Variants in TMPRSS6 observed in about 807,000 individuals in gnomAD.
TMPRSS6 encodes transmembrane serine protease 6, also known as transmembrane protease serine 6.
A neutral mutation model predicts 101.5 loss-of-function variants in TMPRSS6; 67 were observed. The observed-to-expected ratio is 0.66, with a 90% confidence interval of 0.54 to 0.81. TMPRSS6 has a LOEUF of 0.81. Among genes scored for constraint, TMPRSS6 ranks in the 30% least tolerant of loss-of-function variants. The pLI is 0.00. For synonymous variants in TMPRSS6, 453 were observed against 464.9 expected, an observed-to-expected ratio of 0.97 and a Z score of 0.33; for missense variants, 1,034 against 1,088.7, an observed-to-expected ratio of 0.95 and a Z score of 0.71.
Position 37,096,631 on chromosome 22 carries a change from G to A in TMPRSS6, c.404+17C>T. Reference sequence around the variant, plus strand: ...TCAGCTTCTTGCAGGAGCTGGTCAGGGGCAAGGACAACTCACCCAAAGGAA... The same window carrying A: ...TCAGCTTCTTGCAGGAGCTGGTCAGAGGCAAGGACAACTCACCCAAAGGAA... On this transcript the variant is annotated intron_variant, in intron 4 of 17. Coordinates refer to ENST00000676104, the MANE Select transcript of TMPRSS6 (RefSeq NM_001374504.1). 1 of 1,557,452 alleles carries A rather than the reference G, an allele frequency of 6.4e-7. No individual in the cohort carries two copies. Among genetic ancestry groups the A allele is most frequent in the Non-Finnish European group, 8.7e-7 (1 of 1,149,782 alleles).
Position 37,089,599 on chromosome 22 carries a change from A to AG in TMPRSS6, c.814dup (p.Leu272ProfsTer56). The AG allele has an allele frequency of 6.4e-7, 1 of 1,571,288 alleles. No individual in the cohort carries two copies. Among genetic ancestry groups the AG allele is most frequent in the Non-Finnish European group, 8.6e-7 (1 of 1,161,152 alleles). ...TCACGAGGTGATGAGCCTCTTCTCC[A>AG]GGGGCCCGGCCACGTCATACATGGC... On this transcript the variant is annotated frameshift_variant, in exon 7 of 18. Transcript: ENST00000676104. LOFTEE classifies it high-confidence loss of function.
chr22:37,067,882 C>T (rs1341842673), intron 16 of TMPRSS6, among the ~76,000 whole-genome samples: 1 of 152,240 alleles, frequency 6.6e-6, no homozygotes, highest in African/African-American at 2.4e-5. Context: ...TCTGGTTGCT[C>T]CTCGCCCAGG....
intron 1 of TMPRSS6, among the ~76,000 whole-genome samples, chr22:37,105,459 A>G (rs984376324): frequency 6.6e-6 from 1 of 152,242 alleles, no homozygotes; most frequent in African/African-American, 2.4e-5. Context: ...CAGGGTGCTG[A>G]GACTCTTGCA....
Position 37,095,296 on chromosome 22 carries a change from A to C in TMPRSS6, c.631+255T>G, listed in dbSNP as rs181196646. ...CTAAACCTGACTCATCCTCACACCC[A>C]CACAGGAACGCATGCACACCCGTCT... On this transcript the variant is annotated intron_variant, in intron 6 of 17. Transcript: ENST00000676104. Among the ~76,000 whole-genome samples, 414 of 152,230 alleles carry C rather than the reference A, an allele frequency of 2.7e-3. 1 individual carries two copies. Among genetic ancestry groups the C allele is most frequent in the African/African-American group, 8.4e-3 (348 of 41,514 alleles).
chr22:37,078,966 A>G (rs1927996189), intron 10 of TMPRSS6, among the ~76,000 whole-genome samples: 1 of 77,552 alleles, frequency 1.3e-5, no homozygotes, highest in Admixed American at 1.4e-4. Flanking sequence ...AGAGAAAGAA[A>G]GAAAGAAAAA....
In TMPRSS6 at chr22:37,098,548, C is replaced by A. The variant is rs763214117; in HGVS notation, c.204G>T (p.Gly68=). Residue 68 remains glycine, a splice_region_variant and synonymous_variant, in exon 3 of 18, where the codon GGG becomes GGT. Transcript: ENST00000676104. ...SAGVLLWYFL[G]YKAEVMVSQV... is the part of the protein sequence containing the mutation. ...GGCTGACCATCACCTCCGCCTTGTACCCTGCCCAGGAAGGAACCAGCAGGG... is the reference window on the plus strand; with the variant it reads ...GGCTGACCATCACCTCCGCCTTGTAACCTGCCCAGGAAGGAACCAGCAGGG... The A allele has an allele frequency of 6.2e-6, 10 of 1,613,994 alleles. No homozygotes were observed. In the African/African-American group the frequency reaches 6.7e-5, roughly 11 times the overall value.
intron 8 of TMPRSS6, among the ~76,000 whole-genome samples, chr22:37,086,061 C>G (rs79329634): frequency 7.1e-6 from 1 of 141,738 alleles, no homozygotes; most frequent in Admixed American, 7.8e-5. Flanking sequence ...ACAGAGACTG[C>G]GAATGGTAGG....
intron 17 of TMPRSS6, 122 bp downstream of exon 17, chr22:37,066,704 T>A: frequency 7.2e-7 from 1 of 1,379,650 alleles, no homozygotes; most frequent in Non-Finnish European, 1.0e-6. Flanking sequence ...GGGGTGGCCA[T>A]CACCACCTTG....
rs1435582136 is a variant in TMPRSS6 at position 37,082,654 on chromosome 22, C to T, written c.1196+1641G>A. The T allele has an allele frequency of 2.7e-5, 7 of 262,848 alleles. No homozygotes were observed. The Admixed American group carries it at 3.5e-4, about 13-fold the overall frequency. The allele number at this position is 262,848 out of a possible 1,614,324, so 16.3% of individuals were successfully genotyped here. A position where few individuals can be genotyped will look rare whatever the true frequency, so the allele number is the denominator to read the frequency against. The stretch of plus-strand genomic sequence containing the variant: ...CATGCTACAGAAGCCTTCTGCTCTC[C>T]AGACAGCACAGGCCTGACATCACTG... On this transcript the variant is annotated intron_variant, in intron 10 of 17. Transcript: ENST00000676104.
At chr22:37,105,825 A>G (rs1930681105) in intron 1 of TMPRSS6, among the ~76,000 whole-genome samples, 2 of 152,170 alleles carry the variant, frequency 1.3e-5, no homozygotes. Flanking sequence ...GCACCAGCAC[A>G]CCTGGCTAAT....
chr22:37,103,816 C>T lies in TMPRSS6; in HGVS notation c.-1-398G>A, dbSNP rs966343816. On this transcript the variant is annotated intron_variant, in intron 1 of 17. Transcript: ENST00000676104. This position sits in a 1 kb window ranked among gnomAD's most constrained non-coding sequence, Gnocchi z 4.4. ...CTGACCTCTTGCCCTCATTTCCCGTCCACGCAAGGAATGCTGTTTCTTGCT... is the reference window on the plus strand; with the variant it reads ...CTGACCTCTTGCCCTCATTTCCCGTTCACGCAAGGAATGCTGTTTCTTGCT... Among the ~76,000 whole-genome samples, 1 of 152,182 alleles carries T rather than the reference C, an allele frequency of 6.6e-6. No individual in the cohort carries two copies. Among genetic ancestry groups the T allele is most frequent in the Admixed American group, 6.5e-5 (1 of 15,280 alleles).
intron 7 of TMPRSS6, among the ~76,000 whole-genome samples, chr22:37,087,142 G>A (rs1177769374): frequency 3.9e-5 from 6 of 152,126 alleles, no homozygotes; most frequent in African/African-American, 1.4e-4. Flanking sequence ...TGGTCTGCCT[G>A]TCTCAGACAG....
At chr22:37,071,118 G>A in intron 13 of TMPRSS6, 86 bp from the exon 14 acceptor site, 1 of 1,224,250 alleles carries the variant, frequency 8.2e-7, no homozygotes, top group Admixed American at 1.8e-5. Context: ...CAGGAACGAT[G>A]GAGCCAGAAG....
intron 8 of TMPRSS6, among the ~76,000 whole-genome samples, chr22:37,085,093 C>T (rs577396300): frequency 6.6e-4 from 101 of 152,234 alleles, no homozygotes; most frequent in African/African-American, 2.3e-3. Flanking sequence ...AGTGCTCGAT[C>T]CGTGTTAGTT....
Position 37,066,032 on chromosome 22 carries a change from G to T in TMPRSS6, c.*48C>A. 1 of 1,610,714 alleles carries T rather than the reference G, an allele frequency of 6.2e-7. No homozygotes were observed. The highest frequency in any genetic ancestry group is 8.5e-7 in the Non-Finnish European group (1 of 1,178,066). On this transcript the variant is annotated 3_prime_UTR_variant, in exon 18 of 18. Coordinates refer to ENST00000676104, the MANE Select transcript of TMPRSS6 (RefSeq NM_001374504.1). ...TCCCCCTGCTTGGCAGTTGCCCTGG[G>T]CTCTCTGAGTCCAGGAGGTGGGCCC...
In TMPRSS6 at chr22:37,100,948, T is replaced by C. The variant is rs143033650; in HGVS notation, c.202+2268A>G. ...GGTGGGGGTGAGCCCCCGGGTCAAG[T>C]GCAATGATGACTGAGAAGTGGACAT... On this transcript the variant is annotated intron_variant, in intron 2 of 17. Coordinates refer to ENST00000676104, the MANE Select transcript of TMPRSS6 (RefSeq NM_001374504.1). Among the ~76,000 whole-genome samples, 60 of 152,192 alleles carry C rather than the reference T, an allele frequency of 3.9e-4. No individual in the cohort carries two copies. The East Asian group carries it at 8.7e-3, about 22-fold the overall frequency.
rs1048147483 is a variant in TMPRSS6 at position 37,084,124 on chromosome 22, G to A, written c.1196+171C>T. On this transcript the variant is annotated intron_variant, in intron 10 of 17. Coordinates refer to ENST00000676104, the MANE Select transcript of TMPRSS6 (RefSeq NM_001374504.1). ...GGGGCCAGGGCGGAGGCTGGGACGA[G>A]GACAAGGTCAAGGGCAACAGGCCTG... The A allele has an allele frequency of 6.0e-6, 4 of 666,688 alleles. No homozygotes were observed. In the Admixed American group the frequency reaches 9.2e-5, roughly 15 times the overall value. The allele number at this position is 666,688 out of a possible 1,614,324, so 41.3% of individuals were successfully genotyped here. A position where few individuals can be genotyped will look rare whatever the true frequency, so the allele number is the denominator to read the frequency against.
intron 3 of TMPRSS6, 57 bp from the exon 4 acceptor site, chr22:37,096,772 T>C: frequency 6.6e-7 from 1 of 1,508,736 alleles, no homozygotes; most frequent in Non-Finnish European, 9.0e-7. Context: ...ACAGGCCCAC[T>C]TCCTACCTGG....
intron 10 of TMPRSS6, among the ~76,000 whole-genome samples, chr22:37,080,638 C>T (rs1405449355): frequency 2.0e-5 from 3 of 152,248 alleles, no homozygotes; most frequent in Non-Finnish European, 4.4e-5. Context: ...GGTTTGCAGG[C>T]GCCACCTCTG....
Sources: gnomAD v4.1 joint callset for allele counts (sites outside exome capture counted in the v4.1 genomes callset) on GRCh38, gnomAD v4.1.1 for gene constraint, Gnocchi (gnomAD v3.1) non-coding constraint, MANE v1.5 for transcripts, NCBI Gene and HGNC (gene_info 2026-07-23, HGNC 2026-07-21) for gene names.